The following CNTNAP2 variants were observed in gnomAD, a reference collection of about 807,000 sequenced individuals.
The protein encoded by CNTNAP2 is contactin-associated protein-like 2.
Under a neutral mutation model 155.2 loss-of-function variants are expected in CNTNAP2, and 98 were observed. The observed-to-expected ratio is 0.63, with a 90% confidence interval of 0.54 to 0.75. The LOEUF (loss-of-function observed/expected upper bound fraction) is 0.75. Among genes scored for constraint, CNTNAP2 ranks in the 30% least tolerant of loss-of-function variants. The pLI is 0.00. For synonymous variants in CNTNAP2, 651 were observed against 631.2 expected (o/e 1.03, Z -0.47); for missense variants, 1,727 against 1,688.1 (o/e 1.02, Z -0.40).
At chr7:146,425,038 G>A (rs1308191208) in intron 1 of CNTNAP2, among the ~76,000 whole-genome samples, 1 of 152,042 alleles carries the variant, frequency 6.6e-6, no homozygotes, top group African/African-American at 2.4e-5. Context: ...AACAAATCCA[G>A]CAGGGGAAAT....
intron 15 of CNTNAP2, among the ~76,000 whole-genome samples, chr7:148,106,394 G>A (rs180924891): frequency 1.4e-3 from 217 of 150,864 alleles, no homozygotes; most frequent in Non-Finnish European, 1.6e-3. Flanking sequence ...AAGAAAAAAA[G>A]CATAAATATT....
At chr7:147,292,905 G>T (rs1229168336) in intron 8 of CNTNAP2, among the ~76,000 whole-genome samples, 3 of 152,098 alleles carry the variant, frequency 2.0e-5, no homozygotes, top group Non-Finnish European at 4.4e-5. Context: ...GAGTAGCTGG[G>T]ATTACAGGCA....
intron 13 of CNTNAP2, among the ~76,000 whole-genome samples, chr7:147,640,005 A>G (rs1346111496): frequency 6.6e-6 from 1 of 151,796 alleles, no homozygotes; most frequent in African/African-American, 2.4e-5. Context: ...CTGTGTCTGT[A>G]GTAAAACACA....
chr7:147,886,894 A>G (rs1799609128), intron 13 of CNTNAP2, among the ~76,000 whole-genome samples: 1 of 152,184 alleles, frequency 6.6e-6, no homozygotes, highest in African/African-American at 2.4e-5. Flanking sequence ...AGCATTTACC[A>G]CTAGCTGATC....
chr7:148,364,053 G>C (rs1382118697), intron 21 of CNTNAP2, among the ~76,000 whole-genome samples: 2 of 152,240 alleles, frequency 1.3e-5, no homozygotes, highest in African/African-American at 2.4e-5. Flanking sequence ...CCATGGGGCA[G>C]GGCTCGGGAC....
chr7:147,664,501 T>A (rs1795664622), intron 13 of CNTNAP2, among the ~76,000 whole-genome samples: 1 of 152,230 alleles, frequency 6.6e-6, no homozygotes, highest in African/African-American at 2.4e-5. Flanking sequence ...ATTTTGAGAC[T>A]TATCCTAGGA....
intron 13 of CNTNAP2, among the ~76,000 whole-genome samples, chr7:147,723,542 T>C (rs982923845): frequency 5.3e-5 from 8 of 152,128 alleles, no homozygotes; most frequent in Middle Eastern, 3.4e-3. Context: ...ACTGATAGAC[T>C]TTTTGGCCCT....
chr7:147,404,946 C>A (rs1796981110), intron 10 of CNTNAP2, among the ~76,000 whole-genome samples: 1 of 152,142 alleles, frequency 6.6e-6, no homozygotes, highest in Non-Finnish European at 1.5e-5. Flanking sequence ...GGAGATAACT[C>A]TCCTAAGAAA....
chr7:147,919,787 G>C (rs56181151), intron 14 of CNTNAP2, among the ~76,000 whole-genome samples: 18 of 150,880 alleles, frequency 1.2e-4, no homozygotes, highest in Admixed American at 7.9e-4. Context: ...GTTTTTCTCC[G>C]CGTTGCTCAG....
At chr7:147,267,757 C>G (rs998541991) in intron 8 of CNTNAP2, among the ~76,000 whole-genome samples, 2 of 152,124 alleles carry the variant, frequency 1.3e-5, no homozygotes, top group African/African-American at 4.8e-5. Context: ...TCATAGTACT[C>G]TCATAAAACT....
chr7:147,302,537 C>A lies in CNTNAP2; in HGVS notation c.1498+2247C>A, dbSNP rs544559771. Among the ~76,000 whole-genome samples the A allele has an allele frequency of 4.6e-5, 7 of 152,312 alleles. No individual in the cohort carries two copies. In the South Asian group the frequency reaches 1.4e-3, roughly 32 times the overall value. ...GCTTGTTTTGTTATATCGTCATTAGCTGAATCCTAAGTGTGTAAGAATCAT... is the reference window on the plus strand; with the variant it reads ...GCTTGTTTTGTTATATCGTCATTAGATGAATCCTAAGTGTGTAAGAATCAT... On this transcript the variant is annotated intron_variant, in intron 9 of 23. Transcript: ENST00000361727.
intron 1 of CNTNAP2, among the ~76,000 whole-genome samples, chr7:146,464,018 T>C (rs1406454086): frequency 6.6e-6 from 1 of 152,156 alleles, no homozygotes; most frequent in African/African-American, 2.4e-5. Flanking sequence ...TACAATGTGT[T>C]TGATCCTGCT....
intron 4 of CNTNAP2, among the ~76,000 whole-genome samples, chr7:147,059,691 T>C (rs946925461): frequency 5.3e-5 from 8 of 152,168 alleles, no homozygotes; most frequent in African/African-American, 1.9e-4. Context: ...TTAGGGTGTC[T>C]GGCTCATATA....
chr7:146,689,282 A>G (rs1363541043), intron 1 of CNTNAP2, among the ~76,000 whole-genome samples: 2 of 152,038 alleles, frequency 1.3e-5, no homozygotes, highest in Non-Finnish European at 2.9e-5. Context: ...CCAAATTAAG[A>G]TAGGGGTTAT....
rs193244446 is a variant in CNTNAP2, at chr7:146,817,477, A to C, written c.209-22234A>C. On this transcript the variant is annotated intron_variant, in intron 2 of 23. Coordinates refer to ENST00000361727, the MANE Select transcript of CNTNAP2 (RefSeq NM_014141.6). ...ACATGAGCGAAACTCCATCAAAAAAAAAAAAAATCTGAAACTGGGTAATTT... is the reference window on the plus strand; with the variant it reads ...ACATGAGCGAAACTCCATCAAAAAACAAAAAAATCTGAAACTGGGTAATTT... Among the ~76,000 whole-genome samples, 453 of 152,162 alleles carry C rather than the reference A, an allele frequency of 3.0e-3. 2 individuals are homozygous for C. Among genetic ancestry groups the C allele is most frequent in the African/African-American group, 0.01 (419 of 41,482 alleles).
At chr7:146,994,977 C>T (rs1468244274) in intron 3 of CNTNAP2, among the ~76,000 whole-genome samples, 2 of 151,986 alleles carry the variant, frequency 1.3e-5, no homozygotes, top group Non-Finnish European at 2.9e-5. Flanking sequence ...TTGAGAACAT[C>T]TCCACATTCT....
chr7:146,862,167 C>A (rs767075722), intron 3 of CNTNAP2, among the ~76,000 whole-genome samples: 1 of 152,108 alleles, frequency 6.6e-6, no homozygotes, highest in East Asian at 1.9e-4. Context: ...GTTATTCATT[C>A]TGATTAGAAT....
At chr7:146,502,109 T>G (rs2129133470) in intron 1 of CNTNAP2, among the ~76,000 whole-genome samples, 1 of 151,758 alleles carries the variant, frequency 6.6e-6, no homozygotes, top group South Asian at 2.1e-4. Flanking sequence ...TTTGTCTTTA[T>G]GTGCCTGGCC....
chr7:147,126,194 T>C (rs549896013), intron 6 of CNTNAP2, among the ~76,000 whole-genome samples: 2 of 152,242 alleles, frequency 1.3e-5, no homozygotes, highest in East Asian at 1.9e-4. Flanking sequence ...TTATTTTTTT[T>C]CCCTAATGAG....
Sources: gnomAD v4.1 joint callset for allele counts (sites outside exome capture counted in the v4.1 genomes callset) on GRCh38, gnomAD v4.1.1 for gene constraint, MANE v1.5 for transcripts, NCBI Gene and HGNC (gene_info 2026-07-23, HGNC 2026-07-21) for gene names.